The following SLC22A23 variants were observed in gnomAD, a reference collection of about 807,000 sequenced individuals.
SLC22A23 encodes the protein ion transporter protein.
Under a neutral mutation model 61.0 loss-of-function variants are expected in SLC22A23, and 26 were observed. The observed-to-expected ratio is 0.43, with a 90% CI of 0.31 to 0.59. The LOEUF is 0.59. Ranked by LOEUF, SLC22A23 falls within the 20% of genes least tolerant of loss-of-function variation. The pLI is 0.11. For missense variants in SLC22A23, 796 were observed against 934.7 expected, an observed-to-expected ratio of 0.85 and a Z score of 1.94; for synonymous variants, 430 against 413.9, an observed-to-expected ratio of 1.04 and a Z score of -0.47.
intron 1 of SLC22A23, among the ~76,000 whole-genome samples, chr6:3,419,462 C>G (rs938193486): frequency 6.6e-6 from 1 of 152,172 alleles, no homozygotes; most frequent in Non-Finnish European, 1.5e-5. Flanking sequence ...GGTGCACACC[C>G]CAAAATAACT....
chr6:3,306,529 A>G (rs1276967103), intron 4 of SLC22A23, among the ~76,000 whole-genome samples: 5 of 152,232 alleles, frequency 3.3e-5, no homozygotes, highest in African/African-American at 1.2e-4. Context: ...TACATTGCCC[A>G]GGATTACACA....
rs1016015409 is a variant in SLC22A23 at position 3,322,488 on chromosome 6, G to T, written c.1082+1346C>A. Among the ~76,000 whole-genome samples the T allele has an allele frequency of 2.0e-5, 3 of 152,226 alleles. No individual in the cohort carries two copies. Among genetic ancestry groups the T allele is most frequent in the African/African-American group, 7.2e-5 (3 of 41,450 alleles). Reference sequence around the variant, plus strand: ...GGAACACGGTTGTGCTGCGGGAGGGGTTTGGACATCCAACTTCGGGACAAG... The same window carrying T: ...GGAACACGGTTGTGCTGCGGGAGGGTTTTGGACATCCAACTTCGGGACAAG... On this transcript the variant is annotated intron_variant, in intron 4 of 9. Transcript: ENST00000406686. The surrounding 1 kb of genome is among the most constrained non-coding windows in gnomAD (Gnocchi z 4.1).
intron 3 of SLC22A23, among the ~76,000 whole-genome samples, chr6:3,378,348 C>T (rs1040610768): frequency 3.3e-5 from 5 of 152,128 alleles, no homozygotes; most frequent in African/African-American, 1.2e-4. Flanking sequence ...GGTGAAAGCA[C>T]CTGCAGACCT....
Position 3,318,110 on chromosome 6 carries a change from C to T in SLC22A23, c.1082+5724G>A, listed in dbSNP as rs1420230901. Among the ~76,000 whole-genome samples the T allele has an allele frequency of 6.6e-6, 1 of 152,186 alleles. No homozygotes were observed. The highest frequency in any genetic ancestry group is 1.5e-5 in the Non-Finnish European group (1 of 68,030). ...TCATGCTGCTGCCACCTTTTCCTGGCCAGCGTCTCCACCCTGGGGGTCACT... is the reference window on the plus strand; with the variant it reads ...TCATGCTGCTGCCACCTTTTCCTGGTCAGCGTCTCCACCCTGGGGGTCACT... On this transcript the variant is annotated intron_variant, in intron 4 of 9. Transcript: ENST00000406686. The surrounding 1 kb of genome is among the most constrained non-coding windows in gnomAD (Gnocchi z 4.3).
At position 3,345,329 on chromosome 6, in the gene SLC22A23, T is replaced by C. The variant is rs567965073; in HGVS notation, c.914-21327A>G. ...AGAGGGAAAGCACTCACTTTTAAGT[T>C]ACAAGGAAAGTACCAGTAGTTTATA... On this transcript the variant is annotated intron_variant, in intron 3 of 9. Coordinates refer to ENST00000406686, the MANE Select transcript of SLC22A23 (RefSeq NM_015482.2). 5.9e-5 allele frequency among the ~76,000 whole-genome samples: 9 copies of C among 151,760 alleles called. No homozygotes were observed. The East Asian group carries it at 1.7e-3, about 29-fold the overall frequency.
chr6:3,290,067 C>G (rs1278704882), intron 5 of SLC22A23: 1 of 594,034 alleles, frequency 1.7e-6, no homozygotes, highest in East Asian at 2.9e-5. Flanking sequence ...CTTTGCAGTT[C>G]AGGTTTCGCT....
At chr6:3,355,254 G>A (rs780267209) in intron 3 of SLC22A23, among the ~76,000 whole-genome samples, 2 of 151,826 alleles carry the variant, frequency 1.3e-5, no homozygotes, top group Non-Finnish European at 2.9e-5. Flanking sequence ...GAATAGAGAG[G>A]CCTTGATAAC....
chr6:3,410,247 G>A lies in SLC22A23; in HGVS notation c.854C>T (p.Thr285Ile). Reference protein sequence around the residue: ...ALSVNVTMFSTLRFFEGFCLA... With the variant: ...ALSVNVTMFSILRFFEGFCLA... ...GCAAAATCCTTCAAAGAACCTGAGT[G>A]TGCTGAACATTGTCACATTCACTGA... Residue 285 changes from threonine (T) to isoleucine (I), a missense_variant, in exon 3 of 10, where the codon ACA becomes ATA. Coordinates refer to ENST00000406686, the MANE Select transcript of SLC22A23 (RefSeq NM_015482.2). This position sits in a 1 kb window ranked among gnomAD's most constrained non-coding sequence, Gnocchi z 5.0. 1 of 1,614,082 alleles carries A rather than the reference G, an allele frequency of 6.2e-7. No individual in the cohort carries two copies. Among genetic ancestry groups the A allele is most frequent in the Non-Finnish European group, 8.5e-7 (1 of 1,180,002 alleles).
chr6:3,434,101 G>A (rs892752266), intron 1 of SLC22A23, among the ~76,000 whole-genome samples: 1 of 152,094 alleles, frequency 6.6e-6, no homozygotes, highest in Non-Finnish European at 1.5e-5. Flanking sequence ...ATCACCTGGG[G>A]TCAGGAGTTC....
chr6:3,407,872 A>G (rs1160969258), intron 3 of SLC22A23, among the ~76,000 whole-genome samples: 1 of 152,260 alleles, frequency 6.6e-6, no homozygotes, highest in East Asian at 1.9e-4. Context: ...AGGAAGAAAA[A>G]TGGGACAAAG....
At chr6:3,358,646 G>T (rs531434292) in intron 3 of SLC22A23, among the ~76,000 whole-genome samples, 1 of 152,284 alleles carries the variant, frequency 6.6e-6, no homozygotes, top group South Asian at 2.1e-4. Flanking sequence ...CTGGAACTCT[G>T]CTGCACACAT....
chr6:3,445,774 C>T (rs899323809), intron 1 of SLC22A23, among the ~76,000 whole-genome samples: 10 of 152,010 alleles, frequency 6.6e-5, no homozygotes, highest in Non-Finnish European at 1.0e-4. Context: ...TGAGAGAGAC[C>T]GGGCTGGGAA....
chr6:3,344,838 G>A (rs1350980827), intron 3 of SLC22A23, among the ~76,000 whole-genome samples: 1 of 152,182 alleles, frequency 6.6e-6, no homozygotes, highest in East Asian at 1.9e-4. Flanking sequence ...TGGGGTAAAG[G>A]TGCTTCTGGA....
At chr6:3,280,534 C>T (rs550232314) in intron 9 of SLC22A23, among the ~76,000 whole-genome samples, 16 of 123,384 alleles carry the variant, frequency 1.3e-4, no homozygotes, top group East Asian at 7.1e-4. Context: ...CTCGCTCTGT[C>T]GCCCAGGCTG....
intron 3 of SLC22A23, among the ~76,000 whole-genome samples, chr6:3,405,618 A>ATTTTTTTTTT (rs546024248): frequency 6.9e-6 from 1 of 144,334 alleles, no homozygotes. Context: ...GCTCAGTCAA[A>ATTTTTTTTTT]TTTTTTTTTT....
chr6:3,284,348 GGACAGGGTAGCTGA>G (rs1459323741), intron 8 of SLC22A23, among the ~76,000 whole-genome samples: 1 of 152,206 alleles, frequency 6.6e-6, no homozygotes, highest in Non-Finnish European at 1.5e-5. Flanking sequence ...CCAACGTGTG[GGACAGGGTAGCTGA>G]GTCAGGGTTG....
At chr6:3,433,835 T>C (rs1771027032) in intron 1 of SLC22A23, among the ~76,000 whole-genome samples, 1 of 152,058 alleles carries the variant, frequency 6.6e-6, no homozygotes, top group Non-Finnish European at 1.5e-5. Flanking sequence ...GGCAAAACCA[T>C]GCTATGGGGA....
chr6:3,297,226 C>T lies in SLC22A23; in HGVS notation c.1210+865G>A, dbSNP rs922908065. Among the ~76,000 whole-genome samples, 4 of 152,198 alleles carry T rather than the reference C, an allele frequency of 2.6e-5. No homozygotes were observed. Among genetic ancestry groups the T allele is most frequent in the African/African-American group, 9.6e-5 (4 of 41,452 alleles). ...ACACGTGTTGGTTTACTGAATGAAT[C>T]ATGATCACAAGCATTTCTGGTCAGG... On this transcript the variant is annotated intron_variant, in intron 5 of 9. Transcript: ENST00000406686. The surrounding 1 kb of genome is among the most constrained non-coding windows in gnomAD (Gnocchi z 4.3).
At chr6:3,275,838 T>C (rs1336642682) in intron 9 of SLC22A23, among the ~76,000 whole-genome samples, 4 of 152,240 alleles carry the variant, frequency 2.6e-5, no homozygotes, top group African/African-American at 9.6e-5. Context: ...CGCCTTGGCC[T>C]CCCAAAGTGT....
Sources: allele counts gnomAD v4.1 joint callset (sites outside exome capture counted in the v4.1 genomes callset), GRCh38; gene constraint gnomAD v4.1.1; non-coding constraint Gnocchi (gnomAD v3.1); transcripts MANE v1.5; gene names NCBI Gene and HGNC (gene_info 2026-07-23, HGNC 2026-07-21).